ADCY2: variants seen among roughly 807,000 people sequenced by gnomAD.
ADCY2 encodes adenylate cyclase type 2.
Under a neutral mutation model 125.2 loss-of-function variants are expected in ADCY2, and 31 were observed. That is an observed-to-expected ratio of 0.25 (90% confidence interval 0.19 to 0.33). The LOEUF (loss-of-function observed/expected upper bound fraction) is 0.33, where lower values mean the gene tolerates loss of function less well. ADCY2 is among the 10% of genes least tolerant of loss of function. ADCY2 has a pLI of 1.00. For synonymous variants in ADCY2, 512 were observed against 548.4 expected, an observed-to-expected ratio of 0.93 and a Z score of 0.93; for missense variants, 904 against 1,418.2, an observed-to-expected ratio of 0.64 and a Z score of 5.82.
At chr5:7,537,887 C>A (rs1279553163) in intron 3 of ADCY2, among the ~76,000 whole-genome samples, 1 of 152,180 alleles carries the variant, frequency 6.6e-6, no homozygotes, top group Non-Finnish European at 1.5e-5. Flanking sequence ...CCTCTCCTCA[C>A]TGTTGTTAAG....
chr5:7,472,995 G>C (rs1742394542), intron 2 of ADCY2, among the ~76,000 whole-genome samples: 1 of 151,648 alleles, frequency 6.6e-6, no homozygotes, highest in Non-Finnish European at 1.5e-5. Context: ...CAGAGGAGGG[G>C]GATTCTTTGT....
chr5:7,507,296 C>T (rs928044461), intron 2 of ADCY2, among the ~76,000 whole-genome samples: 1 of 144,012 alleles, frequency 6.9e-6, no homozygotes, highest in Admixed American at 6.8e-5. Flanking sequence ...AAAAAATTAG[C>T]CGGGCGTAGT....
chr5:7,660,186 A>G (rs1334844504), intron 4 of ADCY2, among the ~76,000 whole-genome samples: 1 of 148,994 alleles, frequency 6.7e-6, no homozygotes, highest in Non-Finnish European at 1.5e-5. Flanking sequence ...AACTCAAAAT[A>G]AAAGTGGAAA....
At chr5:7,737,071 C>T (rs1742271323) in intron 14 of ADCY2, among the ~76,000 whole-genome samples, 1 of 151,996 alleles carries the variant, frequency 6.6e-6, no homozygotes, top group Non-Finnish European at 1.5e-5. Context: ...ACAGTTCTTC[C>T]CTAGGTTTCT....
At chr5:7,481,360 G>GAAT (rs1184855513) in intron 2 of ADCY2, among the ~76,000 whole-genome samples, 1 of 152,040 alleles carries the variant, frequency 6.6e-6, no homozygotes, top group Non-Finnish European at 1.5e-5. Context: ...TCCGCCTCCC[G>GAAT]GGTTCACGCC....
chr5:7,406,034 T>A (rs1050660999), intron 1 of ADCY2, among the ~76,000 whole-genome samples: 5 of 151,960 alleles, frequency 3.3e-5, no homozygotes, highest in Non-Finnish European at 7.4e-5. Flanking sequence ...AATTTTTTTT[T>A]TTTCTTGTAG....
chr5:7,501,616 A>AT (rs199727610), intron 2 of ADCY2, among the ~76,000 whole-genome samples: 1 of 130,494 alleles, frequency 7.7e-6, no homozygotes, highest in Non-Finnish European at 1.6e-5. Context: ...GTTTCCTCAT[A>AT]TCCCATCAAA....
chr5:7,722,955 C>A (rs1741806513), intron 12 of ADCY2, among the ~76,000 whole-genome samples: 1 of 81,592 alleles, frequency 1.2e-5, no homozygotes, highest in African/African-American at 6.2e-5. Flanking sequence ...AGCGAAACTC[C>A]ATCTCAAAAA....
chr5:7,819,672 A>G (rs1745235978), intron 23 of ADCY2, among the ~76,000 whole-genome samples: 1 of 152,160 alleles, frequency 6.6e-6, no homozygotes, highest in Non-Finnish European at 1.5e-5. Context: ...TGTCTCTCCC[A>G]GGAGGGGACT....
chr5:7,714,758 T>C (rs1377370551), intron 11 of ADCY2, among the ~76,000 whole-genome samples: 1 of 152,284 alleles, frequency 6.6e-6, no homozygotes, highest in African/African-American at 2.4e-5. Flanking sequence ...ACCCCAGTTC[T>C]GAGTCAGACT....
chr5:7,475,326 G>A (rs1215855993), intron 2 of ADCY2, among the ~76,000 whole-genome samples: 2 of 152,128 alleles, frequency 1.3e-5, no homozygotes, highest in South Asian at 2.1e-4. Flanking sequence ...TGGAGAGGGC[G>A]GATGTGAAGT....
intron 3 of ADCY2, among the ~76,000 whole-genome samples, chr5:7,557,735 G>A (rs1270856048): frequency 6.6e-6 from 1 of 152,196 alleles, no homozygotes; most frequent in Non-Finnish European, 1.5e-5. Context: ...ATTCCACAAT[G>A]TACCACATTT....
chr5:7,593,309 A>T (rs1019748660), intron 3 of ADCY2, among the ~76,000 whole-genome samples: 14 of 152,234 alleles, frequency 9.2e-5, no homozygotes, highest in African/African-American at 1.9e-4. Flanking sequence ...ATTTCAGTGT[A>T]AAGTGTGAAA....
intron 4 of ADCY2, among the ~76,000 whole-genome samples, chr5:7,639,786 A>C (rs1168646270): frequency 6.6e-6 from 1 of 152,212 alleles, no homozygotes; most frequent in Non-Finnish European, 1.5e-5. Context: ...ACACCAAGCC[A>C]GGATAAACAG....
Position 7,802,207 on chromosome 5 carries a change from C to G in ADCY2, c.2629-11C>G, listed in dbSNP as rs2126521677. The G allele has an allele frequency of 6.2e-7, 1 of 1,612,634 alleles. No homozygotes were observed. The highest frequency in any genetic ancestry group is 1.1e-5 in the South Asian group (1 of 90,914). Reference sequence around the variant, plus strand: ...CTCCTAGTGATCAGCTCTTGCTTTTCTCCCAAGCAGGAGCTATACCACCAG... The same window carrying G: ...CTCCTAGTGATCAGCTCTTGCTTTTGTCCCAAGCAGGAGCTATACCACCAG... On this transcript the variant is annotated splice_polypyrimidine_tract_variant and intron_variant, in intron 20 of 24. Coordinates refer to ENST00000338316, the MANE Select transcript of ADCY2 (RefSeq NM_020546.3). This position sits in a 1 kb window ranked among gnomAD's most constrained non-coding sequence, Gnocchi z 4.6.
intron 2 of ADCY2, among the ~76,000 whole-genome samples, chr5:7,425,037 G>A (rs1352268135): frequency 1.3e-5 from 2 of 152,110 alleles, no homozygotes; most frequent in East Asian, 1.9e-4. Flanking sequence ...CTCCCTGTGC[G>A]GTGCCAGCCA....
At chr5:7,465,882 CT>C (rs146162377) in intron 2 of ADCY2, among the ~76,000 whole-genome samples, 153 of 152,180 alleles carry the variant, frequency 1.0e-3, no homozygotes, top group African/African-American at 3.4e-3. Context: ...GTTTTTTAAC[CT>C]ATGCTTACTG....
Position 7,776,622 on chromosome 5 carries a change from G to A in ADCY2, c.2384+3521G>A, listed in dbSNP as rs185161315. Among the ~76,000 whole-genome samples, 46 of 152,220 alleles carry A rather than the reference G, an allele frequency of 3.0e-4. No individual in the cohort carries two copies. The East Asian group carries it at 8.3e-3, about 27-fold the overall frequency. ...GGTAGCTGGTAAAGTATTGTTTCTG[G>A]GTGTGTCTGCGTGGGTGTTGCCAGA... On this transcript the variant is annotated intron_variant, in intron 18 of 24. Coordinates refer to ENST00000338316, the MANE Select transcript of ADCY2 (RefSeq NM_020546.3).
At chr5:7,701,742 A>G (rs185593401) in intron 7 of ADCY2, among the ~76,000 whole-genome samples, 34 of 152,308 alleles carry the variant, frequency 2.2e-4, no homozygotes, top group Admixed American at 6.5e-4. Flanking sequence ...ATGGAATCAT[A>G]TAATATCTTT....
Sources: gnomAD v4.1 joint callset for allele counts (sites outside exome capture counted in the v4.1 genomes callset) on GRCh38, gnomAD v4.1.1 for gene constraint, Gnocchi (gnomAD v3.1) non-coding constraint, MANE v1.5 for transcripts, NCBI Gene and HGNC (gene_info 2026-07-23, HGNC 2026-07-21) for gene names.